RPS6KC1: variants seen among roughly 807,000 people sequenced by gnomAD.
The protein encoded by RPS6KC1 is inactive ribosomal protein S6 kinase delta-1.
In RPS6KC1, 54 loss-of-function variants were observed where a neutral mutation model predicts 103.8. The observed-to-expected ratio is 0.52, with a 90% CI of 0.42 to 0.65. The LOEUF (loss-of-function observed/expected upper bound fraction) is 0.65, where lower values mean the gene tolerates loss of function less well. Among genes scored for constraint, RPS6KC1 ranks in the 30% least tolerant of loss-of-function variants. The pLI, the probability that RPS6KC1 is intolerant of heterozygous loss-of-function variation, is 0.00. For missense variants in RPS6KC1, 1,151 were observed against 1,253.8 expected, an observed-to-expected ratio of 0.92 and a Z score of 1.24; for synonymous variants, 439 against 438.7, an observed-to-expected ratio of 1.00 and a Z score of -0.01.
intron 10 of RPS6KC1, among the ~76,000 whole-genome samples, chr1:213,238,057 T>G (rs539282257): frequency 1.8e-4 from 27 of 152,114 alleles, no homozygotes; most frequent in Non-Finnish European, 3.1e-4. Flanking sequence ...TTAATACCTG[T>G]TTTACATGCT....
At chr1:213,649,258 T>TAA in the RPS6KC1 span, among the ~76,000 whole-genome samples, 171 of 138,448 alleles carry the variant, frequency 1.2e-3, no homozygotes, top group Middle Eastern at 3.9e-3. Flanking sequence ...AGTCTCCACT[T>TAA]AAAAAAAAAA....
the RPS6KC1 span, among the ~76,000 whole-genome samples, chr1:213,403,146 T>C: frequency 6.6e-6 from 1 of 151,990 alleles, no homozygotes; most frequent in African/African-American, 2.4e-5. Context: ...ATACACTTTT[T>C]AATTAAAAAT....
the RPS6KC1 span, among the ~76,000 whole-genome samples, chr1:213,689,130 C>A: frequency 2.6e-5 from 4 of 152,160 alleles, no homozygotes; most frequent in African/African-American, 9.7e-5. Flanking sequence ...TGAAAGCAGT[C>A]AGAGGAGGGA....
chr1:213,689,921 T>C, the RPS6KC1 span, among the ~76,000 whole-genome samples: 367 of 152,292 alleles, frequency 2.4e-3, 2 homozygotes, highest in African/African-American at 8.7e-3. Flanking sequence ...AGAAGTGCAG[T>C]CTCATGGAGT....
chr1:213,313,252 G>A, the RPS6KC1 span, among the ~76,000 whole-genome samples: 2 of 152,182 alleles, frequency 1.3e-5, no homozygotes, highest in Non-Finnish European at 2.9e-5. Context: ...AGCCTTCAAG[G>A]CAGATAGGTG....
At chr1:213,445,220 A>G in the RPS6KC1 span, among the ~76,000 whole-genome samples, 550 of 152,252 alleles carry the variant, frequency 3.6e-3, 3 homozygotes, top group African/African-American at 0.013. Context: ...TATTCTATGG[A>G]CATATCATGT....
intron 8 of RPS6KC1, among the ~76,000 whole-genome samples, chr1:213,203,159 G>C (rs2093227283): frequency 6.6e-6 from 1 of 152,122 alleles, no homozygotes; most frequent in African/African-American, 2.4e-5. Flanking sequence ...AGGTGTTTCA[G>C]ATTTTGAAGT....
chr1:213,390,435 G>A, the RPS6KC1 span, among the ~76,000 whole-genome samples: 1 of 152,238 alleles, frequency 6.6e-6, no homozygotes, highest in East Asian at 1.9e-4. Flanking sequence ...AAAAGGGATG[G>A]ACACTTATCT....
intron 2 of RPS6KC1, among the ~76,000 whole-genome samples, chr1:213,072,008 T>A (rs1235582047): frequency 2.6e-5 from 4 of 152,214 alleles, no homozygotes; most frequent in Admixed American, 2.6e-4. Context: ...GAATGTTTCT[T>A]GATTTATTTT....
the RPS6KC1 span, among the ~76,000 whole-genome samples, chr1:213,542,206 G>T: frequency 6.6e-6 from 1 of 152,216 alleles, no homozygotes; most frequent in Admixed American, 6.5e-5. Context: ...TATGTTGTCT[G>T]CTGAGCCCTG....
chr1:213,051,307 G>C lies in RPS6KC1; in HGVS notation c.-98G>C. 4 of 858,708 alleles carry C rather than the reference G, an allele frequency of 4.7e-6. No individual in the cohort carries two copies. The Admixed American group carries it at 8.8e-5, about 19-fold the overall frequency. The allele number at this position is 858,708 out of a possible 1,614,324, so 53.2% of individuals were successfully genotyped here. A position where few individuals can be genotyped will look rare whatever the true frequency, so the allele number is the denominator to read the frequency against. On this transcript the variant is annotated 5_prime_UTR_variant, in exon 1 of 15. Coordinates refer to ENST00000366960, the MANE Select transcript of RPS6KC1 (RefSeq NM_012424.6). ...GCCGCCTTGGAGCCACCGCCCCCTC[G>C]CCGCTTCGCCGCTGCGTTGGGGAAC...
intron 8 of RPS6KC1, among the ~76,000 whole-genome samples, chr1:213,209,695 C>CAAAAAAAAAA (rs60840755): frequency 1.8e-5 from 1 of 54,130 alleles, no homozygotes; most frequent in Non-Finnish European, 3.2e-5. Flanking sequence ...AACTCCGTCT[C>CAAAAAAAAAA]AAAAAAAAAA....
At chr1:213,387,835 GT>G in the RPS6KC1 span, among the ~76,000 whole-genome samples, 1 of 152,248 alleles carries the variant, frequency 6.6e-6, no homozygotes, top group Admixed American at 6.5e-5. Flanking sequence ...AGACATGGAT[GT>G]TTTTGGTGGC....
At chr1:213,206,817 T>C (rs1205370932) in intron 8 of RPS6KC1, among the ~76,000 whole-genome samples, 2 of 152,140 alleles carry the variant, frequency 1.3e-5, no homozygotes, top group Admixed American at 1.3e-4. Context: ...TTGGGGTTCA[T>C]ATAGTGCTTC....
At chr1:213,582,701 T>C in the RPS6KC1 span, among the ~76,000 whole-genome samples, 2 of 152,246 alleles carry the variant, frequency 1.3e-5, no homozygotes, top group African/African-American at 2.4e-5. Context: ...AGAGAAGTAA[T>C]TTGGCCAAGG....
At chr1:213,852,344 T>C in the RPS6KC1 span, among the ~76,000 whole-genome samples, 1 of 152,132 alleles carries the variant, frequency 6.6e-6, no homozygotes, top group East Asian at 1.9e-4. Flanking sequence ...ATCTCTGTCA[T>C]CCACATTGCT....
At chr1:213,668,402 A>ACCC in the RPS6KC1 span, among the ~76,000 whole-genome samples, 2 of 86,280 alleles carry the variant, frequency 2.3e-5, no homozygotes, top group African/African-American at 6.3e-5. Flanking sequence ...CCCCCGCCGC[A>ACCC]CCACCCCCAC....
chr1:213,859,777 G>A, the RPS6KC1 span, among the ~76,000 whole-genome samples: 1 of 152,104 alleles, frequency 6.6e-6, no homozygotes, highest in Admixed American at 6.5e-5. Flanking sequence ...TTTGCTTTTG[G>A]AACTTTTTCT....
At chr1:213,777,060 G>C in the RPS6KC1 span, among the ~76,000 whole-genome samples, 7 of 152,170 alleles carry the variant, frequency 4.6e-5, no homozygotes, top group African/African-American at 1.2e-4. Flanking sequence ...TGTTGTGGCT[G>C]GTTTCATTTT....
Sources: gnomAD v4.1 joint callset for allele counts (sites outside exome capture counted in the v4.1 genomes callset) on GRCh38, gnomAD v4.1.1 for gene constraint, MANE v1.5 for transcripts, NCBI Gene and HGNC (gene_info 2026-07-23, HGNC 2026-07-21) for gene names.